Variants in TCF4 observed in about 807,000 individuals in gnomAD.
The protein encoded by TCF4 is transcription factor 4.
A neutral mutation model predicts 82.1 loss-of-function variants in TCF4; 3 were observed. That is an observed-to-expected ratio of 0.04 (90% CI 0.02 to 0.09). The LOEUF is 0.09. TCF4 is among the 10% of genes least tolerant of loss of function. TCF4 has a pLI of 1.00. For synonymous variants in TCF4, 276 were observed against 309.6 expected, an observed-to-expected ratio of 0.89 and a Z score of 1.14; for missense variants, 518 against 852.7, an observed-to-expected ratio of 0.61 and a Z score of 4.89.
At chr18:55,430,018 CAG>C (rs1310463351) in intron 5 of TCF4, among the ~76,000 whole-genome samples, 23 of 152,140 alleles carry the variant, frequency 1.5e-4, no homozygotes, top group Middle Eastern at 3.4e-3. Flanking sequence ...GGTTACCAGA[CAG>C]AGGAAACTAG....
intron 6 of TCF4, among the ~76,000 whole-genome samples, chr18:55,392,887 C>T (rs1475700590): frequency 1.3e-5 from 2 of 152,082 alleles, no homozygotes; most frequent in African/African-American, 2.4e-5. Flanking sequence ...CAAAAAAATT[C>T]TTCTTGGTTA....
chr18:55,370,474 TAGAC>T (rs111695346), intron 6 of TCF4, among the ~76,000 whole-genome samples: 30 of 147,512 alleles, frequency 2.0e-4, no homozygotes, highest in East Asian at 2.0e-4. Context: ...GATAGATAGA[TAGAC>T]AGACATATAG....
chr18:55,383,815 A>G (rs1387012457), intron 6 of TCF4: 3 of 152,218 alleles, frequency 2.0e-5, no homozygotes, highest in Non-Finnish European at 1.5e-5. Flanking sequence ...CCAAAGCACT[A>G]CTGTCATTAC....
intron 6 of TCF4, among the ~76,000 whole-genome samples, chr18:55,361,509 G>C (rs2085191231): frequency 6.6e-6 from 1 of 152,140 alleles, no homozygotes. Flanking sequence ...TTTTACAAAG[G>C]CTAACCCCTC....
At chr18:55,392,428 G>A (rs1393564806) in intron 6 of TCF4, among the ~76,000 whole-genome samples, 8 of 141,998 alleles carry the variant, frequency 5.6e-5, no homozygotes, top group African/African-American at 8.0e-5. Context: ...AGTCCCACCT[G>A]GACAACATAG....
intron 6 of TCF4, 46 bp downstream of exon 6, chr18:55,403,408 C>T (rs2093932450): frequency 1.2e-6 from 2 of 1,600,782 alleles, no homozygotes; most frequent in Non-Finnish European, 8.6e-7. Flanking sequence ...AACTGATTTA[C>T]CAGGTTAATC....
chr18:55,445,884 G>A (rs953112240), intron 5 of TCF4, among the ~76,000 whole-genome samples: 2 of 152,138 alleles, frequency 1.3e-5, no homozygotes, highest in Admixed American at 6.5e-5. Flanking sequence ...AATTCATGTT[G>A]ATCCATACAA....
intron 5 of TCF4, among the ~76,000 whole-genome samples, chr18:55,408,538 T>C (rs182068288): frequency 6.6e-6 from 1 of 152,328 alleles, no homozygotes; most frequent in Non-Finnish European, 1.5e-5. Flanking sequence ...CCTTCATCGT[T>C]TCCATGCCTG....
chr18:55,447,214 G>A (rs1413898757), intron 5 of TCF4, among the ~76,000 whole-genome samples: 4 of 151,584 alleles, frequency 2.6e-5, no homozygotes, highest in African/African-American at 9.7e-5. Flanking sequence ...GGAGGCCAAG[G>A]AGGGAAGATC....
At chr18:55,442,347 G>A (rs1166267338) in intron 5 of TCF4, among the ~76,000 whole-genome samples, 2 of 152,158 alleles carry the variant, frequency 1.3e-5, no homozygotes, top group Admixed American at 6.5e-5. Flanking sequence ...AAACAAAGCA[G>A]TTCTACAGAA....
chr18:55,365,066 T>C (rs1458728379), intron 6 of TCF4, among the ~76,000 whole-genome samples: 1 of 147,590 alleles, frequency 6.8e-6, no homozygotes. Flanking sequence ...GGGAGGAGAA[T>C]TGCTTGAACT....
intron 5 of TCF4, among the ~76,000 whole-genome samples, chr18:55,457,636 C>T (rs553643619): frequency 2.4e-4 from 36 of 152,246 alleles, no homozygotes; most frequent in African/African-American, 6.7e-4. Context: ...CAGAAGTGTG[C>T]CACCACGCCT....
At chr18:55,510,992 C>T (rs1030750915) in intron 3 of TCF4, among the ~76,000 whole-genome samples, 5 of 152,092 alleles carry the variant, frequency 3.3e-5, no homozygotes, top group East Asian at 3.9e-4. Context: ...AAAAGCAGGA[C>T]GTGCCTCATT....
chr18:55,613,828 G>A (rs922223161), intron 2 of TCF4, among the ~76,000 whole-genome samples: 10 of 152,120 alleles, frequency 6.6e-5, no homozygotes, highest in South Asian at 2.1e-4. Flanking sequence ...GATTTGGGTC[G>A]GGATACAGCG....
In TCF4 at chr18:55,226,354, A is replaced by G. The variant is rs1450012044; in HGVS notation, c.*1681T>C. ...GTTAGAGACAAAAGGATGCTGACAA[A>G]TACTTAACTAGGAGCACTATTTGTT... is the stretch of plus-strand genomic sequence containing the variant. On this transcript the variant is annotated 3_prime_UTR_variant, in exon 20 of 20. Transcript: ENST00000354452. The G allele has an allele frequency of 1.3e-5, 2 of 152,526 alleles. No homozygotes were observed. Among genetic ancestry groups the G allele is most frequent in the African/African-American group, 4.8e-5 (2 of 41,448 alleles). 9.4% of individuals were successfully genotyped at this position (152,526 alleles called of 1,614,324 possible).
chr18:55,505,513 A>T (rs1388585564), intron 3 of TCF4, among the ~76,000 whole-genome samples: 2 of 152,178 alleles, frequency 1.3e-5, no homozygotes, highest in African/African-American at 4.8e-5. Flanking sequence ...CTGAGAAAAA[A>T]TAGCAACCGG....
chr18:55,309,077 TTGAC>T (rs1309831782), intron 8 of TCF4, among the ~76,000 whole-genome samples: 27 of 152,196 alleles, frequency 1.8e-4, no homozygotes, highest in African/African-American at 5.8e-4. Flanking sequence ...TTAATTCTCA[TTGAC>T]TGACATCATT....
At chr18:55,560,708 A>G (rs1413993725) in intron 3 of TCF4, among the ~76,000 whole-genome samples, 1 of 152,160 alleles carries the variant, frequency 6.6e-6, no homozygotes, top group Non-Finnish European at 1.5e-5. Context: ...CTTAAGTAAT[A>G]AAGTCATGAT....
At chr18:55,475,648 C>T (rs778924861) in intron 3 of TCF4, among the ~76,000 whole-genome samples, 16 of 152,182 alleles carry the variant, frequency 1.1e-4, no homozygotes, top group African/African-American at 3.4e-4. Context: ...CTTAGACAAG[C>T]GATAACCCAT....
Sources: gnomAD v4.1 joint callset for allele counts (sites outside exome capture counted in the v4.1 genomes callset) on GRCh38, gnomAD v4.1.1 for gene constraint, MANE v1.5 for transcripts, NCBI Gene and HGNC (gene_info 2026-07-23, HGNC 2026-07-21) for gene names.